F2RL2: variants seen among roughly 807,000 people sequenced by gnomAD.
F2RL2 encodes the protein coagulation factor II thrombin receptor like 2.
Under a neutral mutation model 4.3 loss-of-function variants are expected in F2RL2, and 4 were observed. The ratio of observed to expected loss-of-function variants is 0.93; its 90% CI spans 0.46 to 2.12. The LOEUF (loss-of-function observed/expected upper bound fraction) is 2.12, where lower values mean the gene tolerates loss of function less well. Ranked by LOEUF, F2RL2 falls within the 30% of genes most tolerant of loss-of-function variation. The pLI is 0.02. For missense variants in F2RL2, 408 were observed against 449.3 expected (o/e 0.91, Z 0.83); for synonymous variants, 166 against 170.9 (o/e 0.97, Z 0.22).
In F2RL2 at chr5:76,618,292, CT is replaced by C; in HGVS notation, c.414del (p.Asp139IlefsTer12). ...GGCAATGTAACACAAAAAAGAAAAT[CT>C]GCAATGGCCAGGTTGGTGTAGAATA... ...TTVFYTNLAI[A>X]DFLFCVTLPF... On this transcript the variant is annotated frameshift_variant, in exon 2 of 2. Coordinates refer to ENST00000296641, the MANE Select transcript of F2RL2 (RefSeq NM_004101.4). LOFTEE classifies it low-confidence loss of function (END_TRUNC). 6.2e-7 allele frequency: 1 copy of C among 1,614,206 alleles called. No individual in the cohort carries two copies. The highest frequency in any genetic ancestry group is 8.5e-7 in the Non-Finnish European group (1 of 1,180,032).
Position 76,617,498 on chromosome 5 carries a change from T to G in F2RL2, c.*84A>C. 1.0e-6 allele frequency: 1 copy of G among 990,144 alleles called. No individual in the cohort carries two copies. The highest frequency in any genetic ancestry group is 1.5e-6 in the Non-Finnish European group (1 of 664,786). The allele number at this position is 990,144 out of a possible 1,614,324, so 61.3% of individuals were successfully genotyped here. A position where few individuals can be genotyped will look rare whatever the true frequency, so the allele number is the denominator to read the frequency against. Reference sequence around the variant, plus strand: ...AGCATATTTCTTAGGAGCTCGGAAATGGAGCTCCTTGCACTATGCTTATGT... The same window carrying G: ...AGCATATTTCTTAGGAGCTCGGAAAGGGAGCTCCTTGCACTATGCTTATGT... On this transcript the variant is annotated 3_prime_UTR_variant, in exon 2 of 2. Coordinates refer to ENST00000296641, the MANE Select transcript of F2RL2 (RefSeq NM_004101.4).
At chr5:76,619,514 C>CCTTTTTTTTT (rs1561518620) in intron 1 of F2RL2, among the ~76,000 whole-genome samples, 3 of 104,266 alleles carry the variant, frequency 2.9e-5, no homozygotes, top group Non-Finnish European at 5.7e-5. Flanking sequence ...TAAGGATCTT[C>CCTTTTTTTTT]TTTTTTTTTT....
chr5:76,622,194 C>T (rs1749761868), intron 1 of F2RL2, among the ~76,000 whole-genome samples: 1 of 152,126 alleles, frequency 6.6e-6, no homozygotes, highest in African/African-American at 2.4e-5. Context: ...TCCATCAAAC[C>T]CTATTAGCGT....
At chr5:76,619,038 A>G (rs1409029074) in intron 1 of F2RL2, among the ~76,000 whole-genome samples, 2 of 152,220 alleles carry the variant, frequency 1.3e-5, no homozygotes, top group Non-Finnish European at 2.9e-5. Flanking sequence ...GGTTCCTAAA[A>G]AGATGGAATT....
rs777413070 is a variant in F2RL2, at chr5:76,618,375, G to A, written c.332C>T (p.Ala111Val). Residue 111 changes from alanine (A) to valine (V), a missense_variant, in exon 2 of 2, where the codon GCC (alanine) becomes GTC (valine). Transcript: ENST00000296641. ...AAGCATCCACAGGGTCACAGCATTG[G>A]CCGGGACACCAACTACAAACACCAG... The part of the protein sequence containing the change: ...YLLVFVVGVP[A>V]NAVTLWMLFF... 2.5e-6 allele frequency: 4 copies of A among 1,614,086 alleles called. No individual in the cohort carries two copies. The highest frequency in any genetic ancestry group is 3.4e-6 in the Non-Finnish European group (4 of 1,180,046).
In F2RL2 at chr5:76,617,746, G is replaced by T. The variant is rs773021486; in HGVS notation, c.961C>A (p.Leu321Ile). The change falls in exon 2 of 2, where the codon CTT becomes ATT. Residue 321 changes from leucine to isoleucine, a missense_variant. Coordinates refer to ENST00000296641, the MANE Select transcript of F2RL2 (RefSeq NM_004101.4). ...TAGTAGTTAGCATGGTGAATAATAA[G>T]AATAATATTGCTTGGAGCAAAGCAA... Reference protein sequence around the residue: ...TICFAPSNIILIIHHANYYYN... With the variant: ...TICFAPSNIIIIIHHANYYYN... 3 of 1,613,704 alleles carry T rather than the reference G, an allele frequency of 1.9e-6. No homozygotes were observed. The highest frequency in any genetic ancestry group is 2.5e-6 in the Non-Finnish European group (3 of 1,179,874).
chr5:76,618,695 G>A, intron 1 of F2RL2, 53 bp from the exon 2 acceptor site: 1 of 1,307,476 alleles, frequency 7.6e-7, no homozygotes, highest in Non-Finnish European at 1.0e-6. Context: ...AGAAAAGAAA[G>A]TGTGTTTAAT....
At chr5:76,621,952 C>G (rs1580642395) in intron 1 of F2RL2, among the ~76,000 whole-genome samples, 1 of 152,276 alleles carries the variant, frequency 6.6e-6, no homozygotes, top group South Asian at 2.1e-4. Flanking sequence ...GTTTCTGTTT[C>G]TAGTTGAGCC....
chr5:76,621,913 A>C (rs1237485728), intron 1 of F2RL2, among the ~76,000 whole-genome samples: 2 of 152,210 alleles, frequency 1.3e-5, no homozygotes, highest in African/African-American at 4.8e-5. Context: ...AGGGGTGTCC[A>C]AGGGAGAGAA....
At chr5:76,619,422 C>T (rs1459409393) in intron 1 of F2RL2, among the ~76,000 whole-genome samples, 1 of 151,756 alleles carries the variant, frequency 6.6e-6, no homozygotes, top group African/African-American at 2.4e-5. Context: ...TAGCCCCCCG[C>T]AAAGATTCTA....
chr5:76,617,513 T>C lies in F2RL2; in HGVS notation c.*69A>G, dbSNP rs1002234443. 6.6e-6 allele frequency: 8 copies of C among 1,219,802 alleles called. No individual in the cohort carries two copies. The highest frequency in any genetic ancestry group is 8.1e-6 in the Non-Finnish European group (7 of 864,234). The allele number at this position is 1,219,802 out of a possible 1,614,324, so 75.6% of individuals were successfully genotyped here. On this transcript the variant is annotated 3_prime_UTR_variant, in exon 2 of 2. Coordinates refer to ENST00000296641, the MANE Select transcript of F2RL2 (RefSeq NM_004101.4). ...AGCTCGGAAATGGAGCTCCTTGCAC[T>C]ATGCTTATGTTGTTCTTGAAAACAG...
At position 76,617,377 on chromosome 5, in the gene F2RL2, T is replaced by A. The variant is rs1407330875; in HGVS notation, c.*205A>T. 2.0e-6 allele frequency: 1 copy of A among 512,104 alleles called. No individual in the cohort carries two copies. Among genetic ancestry groups the A allele is most frequent in the Non-Finnish European group, 3.5e-6 (1 of 288,836 alleles). The allele number at this position is 512,104 out of a possible 1,614,324, so 31.7% of individuals were successfully genotyped here. A position where few individuals can be genotyped will look rare whatever the true frequency, so the allele number is the denominator to read the frequency against. ...AGGCAGAGGTTGCAATGAGCCAAGA[T>A]AGTGCCACTGCACGCCAGTCTGGGT... On this transcript the variant is annotated 3_prime_UTR_variant, in exon 2 of 2. Transcript: ENST00000296641.
At position 76,623,248 on chromosome 5, in the gene F2RL2, C is replaced by T. The variant is rs768780535; in HGVS notation, c.-18G>A. On this transcript the variant is annotated 5_prime_UTR_variant, in exon 1 of 2. Transcript: ENST00000296641. Reference sequence around the variant, plus strand: ...GCTTTCATTTTGATGACCTGAGTCCCGTCTCTTAAACGTTATGAAATCTGT... The same window carrying T: ...GCTTTCATTTTGATGACCTGAGTCCTGTCTCTTAAACGTTATGAAATCTGT... 18 of 1,613,770 alleles carry T rather than the reference C, an allele frequency of 1.1e-5. No individual in the cohort carries two copies. Among genetic ancestry groups the T allele is most frequent in the Non-Finnish European group, 1.4e-5 (17 of 1,179,796 alleles).
In F2RL2 at chr5:76,617,474, G is replaced by T; in HGVS notation, c.*108C>A. ...GCTTTTGTAATGTTTGACCTTTGAAGCATATTTCTTAGGAGCTCGGAAATG... is the reference window on the plus strand; with the variant it reads ...GCTTTTGTAATGTTTGACCTTTGAATCATATTTCTTAGGAGCTCGGAAATG... On this transcript the variant is annotated 3_prime_UTR_variant, in exon 2 of 2. Coordinates refer to ENST00000296641, the MANE Select transcript of F2RL2 (RefSeq NM_004101.4). 4 of 777,108 alleles carry T rather than the reference G, an allele frequency of 5.1e-6. No individual in the cohort carries two copies. The highest frequency in any genetic ancestry group is 1.8e-5 in the African/African-American group (1 of 56,998). 48.1% of individuals were successfully genotyped at this position (777,108 alleles called of 1,614,324 possible).
rs1047699084 is a variant in F2RL2 at position 76,618,629 on chromosome 5, A to G, written c.78T>C (p.Asp26=). 6 of 1,610,908 alleles carry G rather than the reference A, an allele frequency of 3.7e-6. No individual in the cohort carries two copies. Among genetic ancestry groups the G allele is most frequent in the African/African-American group, 2.7e-5 (2 of 74,758 alleles). The change falls in exon 2 of 2, where the codon GAT becomes GAC. Residue 26 remains aspartate (D), a synonymous_variant. Coordinates refer to ENST00000296641, the MANE Select transcript of F2RL2 (RefSeq NM_004101.4). ...PTFCQSGMEN[D]TNNLAKPTLP... Reference sequence around the variant, plus strand: ...AGGTTGGCTTTGCCAAGTTGTTTGTATCATTTTCCATGCCTGTAATTGAAA... The same window carrying G: ...AGGTTGGCTTTGCCAAGTTGTTTGTGTCATTTTCCATGCCTGTAATTGAAA...
chr5:76,619,603 G>A (rs866161774), intron 1 of F2RL2, among the ~76,000 whole-genome samples: 20 of 139,784 alleles, frequency 1.4e-4, no homozygotes, highest in Admixed American at 3.1e-4. Flanking sequence ...TGCAACCTCC[G>A]CCTCCCGGGT....
In F2RL2 at chr5:76,616,982, A is replaced by G. The variant is rs1272830200; in HGVS notation, c.*600T>C. The G allele has an allele frequency of 6.6e-6, 1 of 152,470 alleles. No homozygotes were observed. The highest frequency in any genetic ancestry group is 2.4e-5 in the African/African-American group (1 of 41,466). The allele number at this position is 152,470 out of a possible 1,614,324, so 9.4% of individuals were successfully genotyped here. ...GAGTCAAAAGAGACCAAAGAATAAA[A>G]AATGATGTCAAATGTCAAGGATGGC... On this transcript the variant is annotated 3_prime_UTR_variant, in exon 2 of 2. Transcript: ENST00000296641.
rs1749165264 is a variant in F2RL2, at chr5:76,618,002, A to G, written c.705T>C (p.Tyr235=). The change falls in exon 2 of 2, where the codon TAT becomes TAC. Residue 235 remains tyrosine (Y), a synonymous_variant. Transcript: ENST00000296641. ...MLPFFILKQE[Y]YLVQPDITTC... is the part of the protein sequence containing the mutation. ...TGGTGATGTCTGGCTGAACAAGATAATATTCCTGCTTCAGTATGAAAAATG... is the reference window on the plus strand; with the variant it reads ...TGGTGATGTCTGGCTGAACAAGATAGTATTCCTGCTTCAGTATGAAAAATG... 1 of 1,614,068 alleles carries G rather than the reference A, an allele frequency of 6.2e-7. No individual in the cohort carries two copies. The highest frequency in any genetic ancestry group is 1.3e-5 in the African/African-American group (1 of 74,934).
intron 1 of F2RL2, among the ~76,000 whole-genome samples, chr5:76,622,559 A>G (rs920791886): frequency 6.6e-6 from 1 of 152,238 alleles, no homozygotes; most frequent in African/African-American, 2.4e-5. Flanking sequence ...AGGAGGTTTC[A>G]GGCTAACATT....
Sources: allele counts gnomAD v4.1 joint callset (sites outside exome capture counted in the v4.1 genomes callset), GRCh38; gene constraint gnomAD v4.1.1; transcripts MANE v1.5; gene names NCBI Gene and HGNC (gene_info 2026-07-23, HGNC 2026-07-21).